Variants in GRAP observed in about 807,000 individuals in gnomAD.
GRAP encodes the protein GRB2 related adaptor protein.
GRAP carries 2 observed loss-of-function variants against 9.1 expected under a neutral mutation model. That is an observed-to-expected ratio of 0.22 (90% CI 0.09 to 0.69). The LOEUF is 0.69. Ranked by LOEUF, GRAP falls within the 30% of genes least tolerant of loss-of-function variation. The pLI, the probability that GRAP is intolerant of heterozygous loss-of-function variation, is 0.81. For missense variants in GRAP, 113 were observed against 179.4 expected (o/e 0.63, Z 2.12); for synonymous variants, 68 against 73.6 (o/e 0.92, Z 0.39).
chr17:19,025,599 T>TTTC (rs1259100699), intron 3 of GRAP, among the ~76,000 whole-genome samples: 1 of 137,534 alleles, frequency 7.3e-6, no homozygotes, highest in African/African-American at 2.8e-5. Context: ...GAGCCTGCTC[T>TTTC]TTCTTTTTTC....
At chr17:19,022,987 G>T (rs1337812038) in intron 4 of GRAP, among the ~76,000 whole-genome samples, 2 of 152,246 alleles carry the variant, frequency 1.3e-5, no homozygotes, top group African/African-American at 4.8e-5. Flanking sequence ...CCAGAGCGAG[G>T]TGTTGGGTGT....
chr17:19,051,153 T>G (rs1297440492), upstream of GRAP, among the ~76,000 whole-genome samples: 2 of 121,648 alleles, frequency 1.6e-5, no homozygotes, highest in Non-Finnish European at 3.6e-5. Flanking sequence ...GGAGGAATGC[T>G]TGAACCCAGG....
chr17:19,021,708 T>C lies in GRAP; in HGVS notation c.*251A>G, dbSNP rs1366093508. On this transcript the variant is annotated 3_prime_UTR_variant, in exon 5 of 5. Coordinates refer to ENST00000284154, the MANE Select transcript of GRAP (RefSeq NM_006613.4). The surrounding 1 kb of genome is among the most constrained non-coding windows in gnomAD (Gnocchi z 4.1). Reference sequence around the variant, plus strand: ...CCTCCACAGACTCCGCCCTGTGGTGTCACACAGCTGGCAGCCAATGGAAAG... The same window carrying C: ...CCTCCACAGACTCCGCCCTGTGGTGCCACACAGCTGGCAGCCAATGGAAAG... 1.2e-5 allele frequency: 5 copies of C among 404,592 alleles called. No individual in the cohort carries two copies. Among genetic ancestry groups the C allele is most frequent in the Non-Finnish European group, 2.2e-5 (5 of 230,190 alleles). The allele number at this position is 404,592 out of a possible 1,614,324, so 25.1% of individuals were successfully genotyped here.
At chr17:19,031,884 G>GC (rs1302009881) in intron 3 of GRAP, 1 of 151,832 alleles carries the variant, frequency 6.6e-6, no homozygotes, top group Non-Finnish European at 1.5e-5. Flanking sequence ...AGGAGCCTGG[G>GC]CCCAGGCAGG....
upstream of GRAP, among the ~76,000 whole-genome samples, chr17:19,050,885 C>T (rs2044393827): frequency 6.6e-6 from 1 of 152,224 alleles, no homozygotes; most frequent in South Asian, 2.1e-4. Context: ...CCTGTGTCTA[C>T]TTGAAATACA....
intron 3 of GRAP, chr17:19,031,443 G>A (rs905038636): frequency 2.4e-5 from 3 of 125,362 alleles, no homozygotes; most frequent in Admixed American, 9.0e-5. Flanking sequence ...CGGCTTCCCA[G>A]CATCTGGGTT....
At chr17:19,025,057 G>C (rs775200597) in intron 3 of GRAP, among the ~76,000 whole-genome samples, 11 of 152,090 alleles carry the variant, frequency 7.2e-5, no homozygotes, top group Non-Finnish European at 1.5e-4. Flanking sequence ...TATCCTCTCC[G>C]ATGAAGCAAG....
At chr17:19,027,524 A>ACACCC (rs1157535157) in intron 3 of GRAP, among the ~76,000 whole-genome samples, 1 of 138,940 alleles carries the variant, frequency 7.2e-6, no homozygotes, top group Admixed American at 7.2e-5. Context: ...ACACACACAC[A>ACACCC]CCCCTACCTC....
upstream of GRAP, among the ~76,000 whole-genome samples, chr17:19,050,998 C>A (rs2044394378): frequency 7.6e-6 from 1 of 132,256 alleles, no homozygotes; most frequent in East Asian, 2.5e-4. Context: ...GAGATCGTGC[C>A]ACTGCACTCC....
At chr17:19,048,272 G>A (rs1440769497), upstream of GRAP, among the ~76,000 whole-genome samples, 1 of 92,606 alleles carries the variant, frequency 1.1e-5, no homozygotes, top group Admixed American at 1.3e-4. Context: ...TGCAAGTGTT[G>A]CAGGATAGCG....
Position 19,021,671 on chromosome 17 carries a change from A to G in GRAP, c.*288T>C. 7.5e-6 allele frequency: 3 copies of G among 397,894 alleles called. No homozygotes were observed. The highest frequency in any genetic ancestry group is 1.3e-5 in the Non-Finnish European group (3 of 226,132). The allele number at this position is 397,894 out of a possible 1,614,324, so 24.6% of individuals were successfully genotyped here. A position where few individuals can be genotyped will look rare whatever the true frequency, so the allele number is the denominator to read the frequency against. On this transcript the variant is annotated 3_prime_UTR_variant, in exon 5 of 5. Coordinates refer to ENST00000284154, the MANE Select transcript of GRAP (RefSeq NM_006613.4). The surrounding 1 kb of genome is among the most constrained non-coding windows in gnomAD (Gnocchi z 4.1). ...GGCAGATGGGGCCATTGACAAGAGGAGGTGGGCGGGGCCTCCACAGACTCC... is the reference window on the plus strand; with the variant it reads ...GGCAGATGGGGCCATTGACAAGAGGGGGTGGGCGGGGCCTCCACAGACTCC...
At position 19,021,573 on chromosome 17, in the gene GRAP, A is replaced by G; in HGVS notation, c.*386T>C. ...CCAGTGGGTGGTCAGCCCAAGGTGA[A>G]CCCACCCACCATGGCCAGGGTTCCT... On this transcript the variant is annotated 3_prime_UTR_variant, in exon 5 of 5. Coordinates refer to ENST00000284154, the MANE Select transcript of GRAP (RefSeq NM_006613.4). This position sits in a 1 kb window ranked among gnomAD's most constrained non-coding sequence, Gnocchi z 4.1. The G allele has an allele frequency of 2.7e-6, 1 of 366,932 alleles. No individual in the cohort carries two copies. Among genetic ancestry groups the G allele is most frequent in the Non-Finnish European group, 4.9e-6 (1 of 205,808 alleles). 22.7% of individuals were successfully genotyped at this position (366,932 alleles called of 1,614,324 possible).
chr17:19,022,035 G>A lies in GRAP; in HGVS notation c.578C>T (p.Pro193Leu), dbSNP rs1160467773. 1.3e-6 allele frequency: 2 copies of A among 1,599,298 alleles called. No individual in the cohort carries two copies. Among genetic ancestry groups the A allele is most frequent in the South Asian group, 1.1e-5 (1 of 88,778 alleles). ...GCAGGACCGGCCCCGCCACCAGTGGGGGTCTGGGCGCTCCAGGACCTCAAT... is the reference window on the plus strand; with the variant it reads ...GCAGGACCGGCCCCGCCACCAGTGGAGGTCTGGGCGCTCCAGGACCTCAAT... The part of the protein sequence containing the change: ...DIIEVLERPD[P>L]HWWRGRSCGR... The change falls in exon 5 of 5, where the codon CCC (proline) becomes CTC (leucine). Residue 193 changes from proline to leucine, a missense_variant. By Grantham distance (98) the Pro-to-Leu change is moderately conservative. Coordinates refer to ENST00000284154, the MANE Select transcript of GRAP (RefSeq NM_006613.4).
Position 19,024,207 on chromosome 17 carries a change from G to T in GRAP, c.468+8C>A, listed in dbSNP as rs1187276789. ...GGCTCCCACAGGCCAGCCCCCACCC[G>T]CCCCTACCTTGAGCAAGGGCTCCTC... On this transcript the variant is annotated splice_region_variant and intron_variant, in intron 4 of 4. Coordinates refer to ENST00000284154, the MANE Select transcript of GRAP (RefSeq NM_006613.4). This position sits in a 1 kb window ranked among gnomAD's most constrained non-coding sequence, Gnocchi z 4.2. 3.2e-6 allele frequency: 5 copies of T among 1,574,386 alleles called. No individual in the cohort carries two copies. The highest frequency in any genetic ancestry group is 4.3e-6 in the Non-Finnish European group (5 of 1,160,600).
chr17:19,025,074 C>T (rs2044302906), intron 3 of GRAP, among the ~76,000 whole-genome samples: 1 of 152,218 alleles, frequency 6.6e-6, no homozygotes, highest in South Asian at 2.1e-4. Flanking sequence ...CAAGCAGGCC[C>T]CTTTCTCTCA....
intron 3 of GRAP, among the ~76,000 whole-genome samples, chr17:19,027,482 GCGCACACACACACA>G (rs1458197456): frequency 1.7e-5 from 2 of 115,984 alleles, no homozygotes; most frequent in Non-Finnish European, 3.4e-5. Flanking sequence ...GCGCGCGCGC[GCGCACACACACACA>G]CACACACACA....
At chr17:19,050,740 CT>C (rs1401350911), upstream of GRAP, among the ~76,000 whole-genome samples, 390 of 138,682 alleles carry the variant, frequency 2.8e-3, no homozygotes, top group African/African-American at 9.7e-3. Context: ...GATTGGGGAA[CT>C]TTTTATCATC....
chr17:19,030,098 C>T (rs2044328976), intron 3 of GRAP, among the ~76,000 whole-genome samples: 2 of 63,800 alleles, frequency 3.1e-5, no homozygotes, highest in African/African-American at 5.3e-5. Flanking sequence ...CTGTGTGACC[C>T]CTACATCCAC....
chr17:19,024,449 T>A lies in GRAP; in HGVS notation c.300-66A>T. 1 of 1,552,628 alleles carries A rather than the reference T, an allele frequency of 6.4e-7. No individual in the cohort carries two copies. Among genetic ancestry groups the A allele is most frequent in the South Asian group, 1.2e-5 (1 of 84,424 alleles). ...CCCAGCCTGGCATGGTCCCAGGGGC[T>A]CCCGTCTCACTACCACCTGGAACCA... On this transcript the variant is annotated intron_variant, in intron 3 of 4. Coordinates refer to ENST00000284154, the MANE Select transcript of GRAP (RefSeq NM_006613.4). The surrounding 1 kb of genome is among the most constrained non-coding windows in gnomAD (Gnocchi z 4.2).
Sources: allele counts gnomAD v4.1 joint callset (sites outside exome capture counted in the v4.1 genomes callset), GRCh38; gene constraint gnomAD v4.1.1; non-coding constraint Gnocchi (gnomAD v3.1); transcripts MANE v1.5; gene names NCBI Gene and HGNC (gene_info 2026-07-23, HGNC 2026-07-21).